The following UNC5C variants were observed in gnomAD, a reference collection of about 807,000 sequenced individuals.
UNC5C encodes the protein unc-5 netrin receptor C.
A neutral mutation model predicts 99.8 loss-of-function variants in UNC5C; 47 were observed. The observed-to-expected ratio is 0.47, with a 90% CI of 0.37 to 0.60. The LOEUF is 0.60. UNC5C is among the 20% of genes least tolerant of loss of function. The pLI is 0.00. For synonymous variants in UNC5C, 487 were observed against 452.2 expected, an observed-to-expected ratio of 1.08 and a Z score of -0.98; for missense variants, 1,062 against 1,165.9, an observed-to-expected ratio of 0.91 and a Z score of 1.30.
At chr4:95,539,536 A>G (rs1722863756) in intron 1 of UNC5C, among the ~76,000 whole-genome samples, 1 of 152,202 alleles carries the variant, frequency 6.6e-6, no homozygotes, top group Admixed American at 6.5e-5. Flanking sequence ...AATTTGTTTT[A>G]TAAGTTAAAA....
intron 4 of UNC5C, among the ~76,000 whole-genome samples, chr4:95,277,236 G>T (rs1266481456): frequency 1.3e-5 from 2 of 152,058 alleles, no homozygotes; most frequent in African/African-American, 4.8e-5. Context: ...CCATATATAG[G>T]TCCCAATTGC....
intron 4 of UNC5C, among the ~76,000 whole-genome samples, chr4:95,266,302 G>T (rs567601166): frequency 6.6e-6 from 1 of 152,188 alleles, no homozygotes; most frequent in Non-Finnish European, 1.5e-5. Context: ...TCCAGCTCTT[G>T]CAGTAGAAGG....
intron 4 of UNC5C, among the ~76,000 whole-genome samples, chr4:95,266,337 A>G (rs150250316): frequency 1.5e-4 from 23 of 152,310 alleles, no homozygotes; most frequent in African/African-American, 4.1e-4. Context: ...AATCCCTCCA[A>G]CAGTGAGGTC....
intron 1 of UNC5C, among the ~76,000 whole-genome samples, chr4:95,491,172 T>G (rs966907194): frequency 2.6e-5 from 4 of 151,672 alleles, no homozygotes; most frequent in African/African-American, 7.2e-5. Context: ...ATGAGAACTT[T>G]GCATGACACA....
At chr4:95,312,227 T>C (rs1229060554) in intron 2 of UNC5C, among the ~76,000 whole-genome samples, 1 of 152,164 alleles carries the variant, frequency 6.6e-6, no homozygotes, top group Non-Finnish European at 1.5e-5. Flanking sequence ...GCCACACTGA[T>C]GAAATGCTTA....
chr4:95,188,550 G>GTGTT (rs1191928933), intron 12 of UNC5C, among the ~76,000 whole-genome samples: 11 of 152,322 alleles, frequency 7.2e-5, no homozygotes, highest in African/African-American at 2.2e-4. Context: ...ACCATTTTAA[G>GTGTT]TGTTACAATT....
chr4:95,318,691 A>G (rs915645660), intron 2 of UNC5C, among the ~76,000 whole-genome samples: 8 of 152,170 alleles, frequency 5.3e-5, no homozygotes, highest in African/African-American at 1.9e-4. Context: ...ATTGCCTGCC[A>G]TTCCTGGACT....
chr4:95,307,563 CT>C (rs1361223805), intron 2 of UNC5C, among the ~76,000 whole-genome samples: 1 of 152,080 alleles, frequency 6.6e-6, no homozygotes, highest in Non-Finnish European at 1.5e-5. Context: ...TAAACTTAAC[CT>C]TTCTCAAACT....
At chr4:95,392,442 TTTA>T (rs945590612) in intron 1 of UNC5C, among the ~76,000 whole-genome samples, 8 of 95,204 alleles carry the variant, frequency 8.4e-5, no homozygotes, top group African/African-American at 1.6e-4. Context: ...TTTTTTTTTT[TTTA>T]AAAAAAAAAC....
chr4:95,273,498 G>A (rs1015395831), intron 4 of UNC5C, among the ~76,000 whole-genome samples: 17 of 152,136 alleles, frequency 1.1e-4, no homozygotes, highest in Non-Finnish European at 1.6e-4. Context: ...ATAGAGTGCT[G>A]CTATTATGCT....
At chr4:95,282,507 C>T (rs1177876158) in intron 3 of UNC5C, among the ~76,000 whole-genome samples, 1 of 152,156 alleles carries the variant, frequency 6.6e-6, no homozygotes, top group African/African-American at 2.4e-5. Context: ...GGAGAGAAGA[C>T]AGACAAATTT....
intron 1 of UNC5C, among the ~76,000 whole-genome samples, chr4:95,462,087 A>G (rs1747619705): frequency 6.6e-6 from 1 of 152,132 alleles, no homozygotes. Context: ...ATGCTGAAAT[A>G]CCATAAAATA....
intron 1 of UNC5C, among the ~76,000 whole-genome samples, chr4:95,461,069 T>C (rs1388335338): frequency 6.6e-6 from 1 of 152,256 alleles, no homozygotes; most frequent in Non-Finnish European, 1.5e-5. Context: ...GTAGAACATG[T>C]TCATAAATCA....
At chr4:95,523,462 G>A (rs1347650852) in intron 1 of UNC5C, among the ~76,000 whole-genome samples, 1 of 152,100 alleles carries the variant, frequency 6.6e-6, no homozygotes, top group Non-Finnish European at 1.5e-5. Flanking sequence ...AGCAGAAACG[G>A]GCACTAGGAT....
At chr4:95,302,740 C>T (rs943282980) in intron 2 of UNC5C, among the ~76,000 whole-genome samples, 1 of 152,076 alleles carries the variant, frequency 6.6e-6, no homozygotes, top group African/African-American at 2.4e-5. Flanking sequence ...ATTCATATGT[C>T]CATCTATTCA....
At chr4:95,354,479 A>ATATATATATATATATATATATATGTATT in intron 1 of UNC5C, among the ~76,000 whole-genome samples, 1 of 110,352 alleles carries the variant, frequency 9.1e-6, no homozygotes, top group Admixed American at 9.4e-5. Context: ...ATATATATAT[A>ATATATATATATATATATATATATGTATT]TTTTTTTTTT....
intron 7 of UNC5C, among the ~76,000 whole-genome samples, chr4:95,235,939 T>A (rs1219586353): frequency 6.6e-6 from 1 of 152,054 alleles, no homozygotes; most frequent in East Asian, 1.9e-4. Flanking sequence ...AAACAACAGG[T>A]GCTGGAGAGG....
chr4:95,491,007 G>C (rs887508662), intron 1 of UNC5C, among the ~76,000 whole-genome samples: 4 of 151,604 alleles, frequency 2.6e-5, no homozygotes, highest in Non-Finnish European at 5.9e-5. Flanking sequence ...ACATGGAACA[G>C]AGTAGGCGCT....
intron 4 of UNC5C, among the ~76,000 whole-genome samples, chr4:95,265,704 C>T (rs1391299807): frequency 6.6e-6 from 1 of 152,056 alleles, no homozygotes. Flanking sequence ...ATTTTGAAAA[C>T]ATACAGTCAA....
Sources: allele counts gnomAD v4.1 joint callset (sites outside exome capture counted in the v4.1 genomes callset), GRCh38; gene constraint gnomAD v4.1.1; transcripts MANE v1.5; gene names NCBI Gene and HGNC (gene_info 2026-07-23, HGNC 2026-07-21).